Variants in TANGO2 observed in about 807,000 individuals in gnomAD.
TANGO2 encodes transport and golgi organization 2 homolog.
In TANGO2, 26 loss-of-function variants were observed where a neutral mutation model predicts 39.1. The observed-to-expected ratio is 0.67, with a 90% CI of 0.49 to 0.92. The LOEUF is 0.92. Ranked by LOEUF, TANGO2 falls within the 40% of genes least tolerant of loss-of-function variation. The probability of loss-of-function intolerance (pLI) is 0.00; values close to 1 mark genes in which losing one functional copy is unlikely to be tolerated. For synonymous variants in TANGO2, 131 were observed against 144.5 expected (o/e 0.91, Z 0.67); for missense variants, 326 against 360.1 (o/e 0.91, Z 0.77).
rs1291817339 is a variant in TANGO2 at position 20,051,715 on chromosome 22, T to C, written c.146-750T>C. Among the ~76,000 whole-genome samples the C allele has an allele frequency of 2.6e-5, 4 of 152,134 alleles. No individual in the cohort carries two copies. The East Asian group carries it at 7.7e-4, about 29-fold the overall frequency. On this transcript the variant is annotated intron_variant, in intron 3 of 8. Transcript: ENST00000327374. ...AAAAAATGCAAAAATCAGCCGAGTG[T>C]GATGGTACCTGCCTGTGGTCCCAGC...
chr22:20,026,349 G>A (rs1159314011), intron 1 of TANGO2, among the ~76,000 whole-genome samples: 1 of 151,040 alleles, frequency 6.6e-6, no homozygotes, highest in Non-Finnish European at 1.5e-5. Context: ...AGTGAGCTGA[G>A]ATCGCGCCGT....
chr22:20,027,179 C>G lies in TANGO2; in HGVS notation c.-40+5933C>G, dbSNP rs150136450. Among the ~76,000 whole-genome samples the G allele has an allele frequency of 2.9e-4, 44 of 152,228 alleles. No individual in the cohort carries two copies. The East Asian group carries it at 5.4e-3, about 19-fold the overall frequency. On this transcript the variant is annotated intron_variant, in intron 1 of 8. Transcript: ENST00000327374. ...GTGCCACACACTTAAAACCAGATCT[C>G]GTGAGAACTCTATCACTGTACAGCA...
chr22:20,022,397 T>G (rs371404423), intron 1 of TANGO2, among the ~76,000 whole-genome samples: 40 of 152,284 alleles, frequency 2.6e-4, no homozygotes, highest in African/African-American at 9.1e-4. Flanking sequence ...AGGATCCTAG[T>G]GCTCTGGTGG....
At position 20,057,012 on chromosome 22, in the gene TANGO2, G is replaced by A; in HGVS notation, c.451+999G>A. The A allele has an allele frequency of 2.2e-6, 1 of 452,252 alleles. No homozygotes were observed. The highest frequency in any genetic ancestry group is 1.6e-5 in the South Asian group (1 of 64,442). The allele number at this position is 452,252 out of a possible 1,614,324, so 28.0% of individuals were successfully genotyped here. ...GCTCCCTCACACCCCTGGCTCCTCT[G>A]AAGCTCCATGCCCACGTCACACAGA... is the stretch of plus-strand genomic sequence containing the variant. On this transcript the variant is annotated intron_variant, in intron 6 of 8. Coordinates refer to ENST00000327374, the MANE Select transcript of TANGO2 (RefSeq NM_152906.7). This position sits in a 1 kb window ranked among gnomAD's most constrained non-coding sequence, Gnocchi z 4.1.
chr22:20,025,621 T>C (rs2040592589), intron 1 of TANGO2, among the ~76,000 whole-genome samples: 1 of 152,176 alleles, frequency 6.6e-6, no homozygotes, highest in Non-Finnish European at 1.5e-5. Context: ...GGGCAGATGT[T>C]GCTTATCTCT....
chr22:20,025,247 C>T (rs1413594291), intron 1 of TANGO2, among the ~76,000 whole-genome samples: 2 of 151,154 alleles, frequency 1.3e-5, no homozygotes, highest in African/African-American at 4.9e-5. Flanking sequence ...CGTGCATCAC[C>T]ACGCCCTGCT....
At chr22:20,054,076 G>A (rs183325877) in intron 5 of TANGO2, 7 of 284,822 alleles carry the variant, frequency 2.5e-5, no homozygotes, top group South Asian at 1.2e-4. Context: ...ACAGGCAAAC[G>A]GGAAGTGGTC....
intron 2 of TANGO2, among the ~76,000 whole-genome samples, chr22:20,038,244 C>T (rs9606221): frequency 0.17 from 26,132 of 152,136 alleles, 2,815 homozygotes; most frequent in Middle Eastern, 0.28. Context: ...GCCCTGCTGA[C>T]GCCTTGATCT....
At position 20,036,836 on chromosome 22, in the gene TANGO2, T is replaced by C. The variant is rs758005688; in HGVS notation, c.38T>C (p.Val13Ala). 5 of 1,614,090 alleles carry C rather than the reference T, an allele frequency of 3.1e-6. No homozygotes were observed. Among genetic ancestry groups the C allele is most frequent in the South Asian group, 1.1e-5 (1 of 91,090 alleles). ...IIFFKFDPRP[V>A]SKNAYRLILA... ...TTCTTTAAGTTTGATCCTCGCCCTG[T>C]TTCCAAAAACGCGTACAGGTAACCC... Residue 13 changes from valine (V) to alanine (A), a missense_variant, in exon 2 of 9, where the codon GTT becomes GCT. Transcript: ENST00000327374.
Position 20,050,357 on chromosome 22 carries a change from G to GTTTTTTTTTTT in TANGO2, c.146-2108_146-2107insTTTTTTTTTTT, listed in dbSNP as rs1491540119. Among the ~76,000 whole-genome samples the GTTTTTTTTTTT allele has an allele frequency of 2.9e-5, 2 of 69,204 alleles. 1 individual carries two copies. The highest frequency in any genetic ancestry group is 1.1e-4 in the African/African-American group (2 of 18,628). 45.4% of individuals were successfully genotyped at this position (69,204 alleles called of 152,430 possible). On this transcript the variant is annotated intron_variant, in intron 3 of 8. Transcript: ENST00000327374. ...ATTTTTCATTAAATATTTTCCTGGT[G>GTTTTTTTTTTT]GTTTTTTTTTTTTTTTTTTTTTTTG... is the stretch of plus-strand genomic sequence containing the variant.
intron 3 of TANGO2, 42 bp downstream of exon 3, chr22:20,043,485 C>G (rs748922101): frequency 7.0e-7 from 1 of 1,424,374 alleles, no homozygotes; most frequent in Non-Finnish European, 9.9e-7. Context: ...CGCCTTGTTG[C>G]TTCCCTAGCC....
chr22:20,056,517 C>T (rs547365975), intron 6 of TANGO2: 56 of 456,794 alleles, frequency 1.2e-4, no homozygotes, highest in Non-Finnish European at 2.1e-4. Context: ...TCACACTCCA[C>T]GGCTGGGCCC....
At position 20,038,721 on chromosome 22, in the gene TANGO2, C is replaced by A. The variant is rs571407503; in HGVS notation, c.56+1867C>A. On this transcript the variant is annotated intron_variant, in intron 2 of 8. Coordinates refer to ENST00000327374, the MANE Select transcript of TANGO2 (RefSeq NM_152906.7). ...TGACTTCATGGGAGGGTGTGAGACA[C>A]TTCTGGTGGCTGCTTCTGCTCTGCC... Among the ~76,000 whole-genome samples the A allele has an allele frequency of 2.7e-3, 409 of 152,218 alleles. 1 individual carries two copies. The highest frequency in any genetic ancestry group is 9.7e-3 in the African/African-American group (402 of 41,538).
chr22:20,022,426 G>A (rs1417836194), intron 1 of TANGO2, among the ~76,000 whole-genome samples: 1 of 152,106 alleles, frequency 6.6e-6, no homozygotes, highest in African/African-American at 2.4e-5. Flanking sequence ...AGGGTGCCCT[G>A]GTGCCCCCAC....
chr22:20,041,049 C>A (rs902355460), intron 2 of TANGO2, among the ~76,000 whole-genome samples: 9 of 152,244 alleles, frequency 5.9e-5, no homozygotes, highest in African/African-American at 2.2e-4. Context: ...TTCCCCAGTT[C>A]TGCTGGCAAG....
In TANGO2 at chr22:20,064,760, C is replaced by G; in HGVS notation, c.*98C>G. The G allele has an allele frequency of 6.7e-7, 1 of 1,486,214 alleles. No individual in the cohort carries two copies. The highest frequency in any genetic ancestry group is 2.3e-5 in the East Asian group (1 of 43,134). The allele number at this position is 1,486,214 out of a possible 1,614,324, so 92.1% of individuals were successfully genotyped here. ...CCTTTGCCATACTGCATTGCACTGC[C>G]CGTGGCTTGGCCAGCATCCCCCGGA... On this transcript the variant is annotated 3_prime_UTR_variant, in exon 9 of 9. Transcript: ENST00000327374.
At chr22:20,062,469 C>G (rs1041834956) in intron 7 of TANGO2, among the ~76,000 whole-genome samples, 57 of 152,346 alleles carry the variant, frequency 3.7e-4, no homozygotes, top group African/African-American at 8.9e-4. Context: ...CCTGCCTACC[C>G]TCCTTCTCCT....
rs367734756 is a variant in TANGO2, at chr22:20,040,731, G to C, written c.57-2624G>C. Among the ~76,000 whole-genome samples, 5 of 152,376 alleles carry C rather than the reference G, an allele frequency of 3.3e-5. No homozygotes were observed. In the East Asian group the frequency reaches 9.6e-4, roughly 29 times the overall value. ...CCTTCTACTAGCACTGTCCAGCCCA[G>C]GGAAGGTGGGCTCTCCTGCCATCCC... On this transcript the variant is annotated intron_variant, in intron 2 of 8. Transcript: ENST00000327374.
intron 1 of TANGO2, among the ~76,000 whole-genome samples, chr22:20,035,556 A>T (rs933141168): frequency 3.3e-5 from 5 of 152,244 alleles, no homozygotes; most frequent in Admixed American, 3.3e-4. Context: ...TCTGGGCCCC[A>T]GAGGTCCCTG....
Sources: gnomAD v4.1 joint callset for allele counts (sites outside exome capture counted in the v4.1 genomes callset) on GRCh38, gnomAD v4.1.1 for gene constraint, Gnocchi (gnomAD v3.1) non-coding constraint, MANE v1.5 for transcripts, NCBI Gene and HGNC (gene_info 2026-07-23, HGNC 2026-07-21) for gene names.